The following HPSE2 variants were observed in gnomAD, a reference collection of about 807,000 sequenced individuals.
The protein encoded by HPSE2 is inactive heparanase-2.
In HPSE2, 38 loss-of-function variants were observed where a neutral mutation model predicts 60.5. That is an observed-to-expected ratio of 0.63 (90% confidence interval 0.48 to 0.82). The LOEUF (loss-of-function observed/expected upper bound fraction) is 0.82, where lower values mean the gene tolerates loss of function less well. HPSE2 is among the 40% of genes least tolerant of loss of function. The probability of loss-of-function intolerance (pLI) is 0.00; values close to 1 mark genes in which losing one functional copy is unlikely to be tolerated. For synonymous variants in HPSE2, 295 were observed against 293.2 expected, an observed-to-expected ratio of 1.01 and a Z score of -0.06; for missense variants, 713 against 740.4, an observed-to-expected ratio of 0.96 and a Z score of 0.43.
intron 3 of HPSE2, among the ~76,000 whole-genome samples, chr10:99,028,463 C>T (rs1957426717): frequency 6.6e-6 from 1 of 152,018 alleles, no homozygotes; most frequent in Non-Finnish European, 1.5e-5. Flanking sequence ...AATTACAAAA[C>T]ACTGATGAAA....
At chr10:99,226,715 T>C (rs1354991777) in intron 2 of HPSE2, among the ~76,000 whole-genome samples, 1 of 151,922 alleles carries the variant, frequency 6.6e-6, no homozygotes, top group Non-Finnish European at 1.5e-5. Context: ...AAGCTCCACC[T>C]CCCAGAGGTG....
At chr10:98,707,714 T>C (rs888285715) in intron 5 of HPSE2, among the ~76,000 whole-genome samples, 7 of 152,124 alleles carry the variant, frequency 4.6e-5, no homozygotes, top group Non-Finnish European at 7.4e-5. Context: ...AAATCAGATA[T>C]AGGAAAAGAG....
At chr10:99,152,182 G>T (rs944494245) in intron 2 of HPSE2, among the ~76,000 whole-genome samples, 1 of 151,862 alleles carries the variant, frequency 6.6e-6, no homozygotes, top group Admixed American at 6.6e-5. Flanking sequence ...ATGGTGGCAG[G>T]CGCCTGTAGT....
intron 3 of HPSE2, among the ~76,000 whole-genome samples, chr10:99,022,549 C>T (rs1207599758): frequency 6.6e-6 from 1 of 152,150 alleles, no homozygotes; most frequent in Non-Finnish European, 1.5e-5. Context: ...GACTCTTCCC[C>T]TAACCCCAGG....
chr10:99,149,084 A>G (rs1385436017), intron 2 of HPSE2, among the ~76,000 whole-genome samples: 2 of 152,148 alleles, frequency 1.3e-5, no homozygotes, highest in Non-Finnish European at 2.9e-5. Flanking sequence ...TGGCAAAGAA[A>G]GAGCCAAAGA....
In HPSE2 at chr10:99,232,397, T is replaced by G; in HGVS notation, c.399A>C (p.Lys133Asn). The change falls in exon 2 of 12, where the codon AAA becomes AAC. Residue 133 changes from lysine (K) to asparagine (N), a missense_variant. By Grantham distance (94) the Lys-to-Asn change is moderately conservative (BLOSUM62 0). Coordinates refer to ENST00000370552, the MANE Select transcript of HPSE2 (RefSeq NM_021828.5). ...LQFQNLRNPA[K>N]SRGGPGPDYY... ...AATCCGGGCCCGGGCCCCCGCGGCT[T>G]TTCGCCGGGTTCCTCAGGTTCTGGA... 6.4e-7 allele frequency: 1 copy of G among 1,551,970 alleles called. No individual in the cohort carries two copies. The highest frequency in any genetic ancestry group is 8.7e-7 in the Non-Finnish European group (1 of 1,147,208).
intron 3 of HPSE2, among the ~76,000 whole-genome samples, chr10:98,806,041 G>A (rs1032924230): frequency 6.6e-6 from 1 of 152,130 alleles, no homozygotes; most frequent in African/African-American, 2.4e-5. Context: ...AATCATAAAG[G>A]CTTTCAGTGC....
At chr10:99,180,505 G>A (rs945699923) in intron 2 of HPSE2, among the ~76,000 whole-genome samples, 1 of 152,116 alleles carries the variant, frequency 6.6e-6, no homozygotes, top group Admixed American at 6.6e-5. Context: ...ATGAAAAAAA[G>A]CTCCTATCAC....
chr10:98,948,269 G>A (rs938460478), intron 3 of HPSE2, among the ~76,000 whole-genome samples: 1 of 152,180 alleles, frequency 6.6e-6, no homozygotes, highest in African/African-American at 2.4e-5. Flanking sequence ...GCCAGTCAAG[G>A]AAATCATGAA....
At chr10:98,854,247 T>C (rs1952252906) in intron 3 of HPSE2, among the ~76,000 whole-genome samples, 1 of 152,210 alleles carries the variant, frequency 6.6e-6, no homozygotes, top group Non-Finnish European at 1.5e-5. Context: ...GATTCTTTTA[T>C]GAGAAATGGT....
intron 9 of HPSE2, among the ~76,000 whole-genome samples, chr10:98,586,204 T>C (rs1944936416): frequency 6.6e-6 from 1 of 152,210 alleles, no homozygotes; most frequent in Non-Finnish European, 1.5e-5. Context: ...GTATCTACCA[T>C]GCATATCTTA....
At chr10:98,841,267 AAACAACTATAATACTTAC>A (rs1331007062) in intron 3 of HPSE2, among the ~76,000 whole-genome samples, 1 of 152,134 alleles carries the variant, frequency 6.6e-6, no homozygotes, top group African/African-American at 2.4e-5. Flanking sequence ...TCAACAACAA[AAACAACTATAATACTTAC>A]AATAGCACAC....
intron 3 of HPSE2, among the ~76,000 whole-genome samples, chr10:99,141,214 G>A (rs1845855212): frequency 6.6e-6 from 1 of 152,062 alleles, no homozygotes; most frequent in African/African-American, 2.4e-5. Flanking sequence ...CTCCTTGAGT[G>A]ACATGCACAA....
At chr10:98,788,899 C>CGTCTTCT (rs1565163006) in intron 3 of HPSE2, among the ~76,000 whole-genome samples, 1 of 152,066 alleles carries the variant, frequency 6.6e-6, no homozygotes, top group African/African-American at 2.4e-5. Context: ...AGAAATCACC[C>CGTCTTCT]GTCTTCTGCG....
At chr10:99,251,535 G>T in the HPSE2 span, among the ~76,000 whole-genome samples, 1 of 152,166 alleles carries the variant, frequency 6.6e-6, no homozygotes, top group Non-Finnish European at 1.5e-5. Context: ...AGACACAACC[G>T]AAAAAGACTA....
intron 3 of HPSE2, among the ~76,000 whole-genome samples, chr10:98,862,141 C>T (rs528921149): frequency 3.7e-4 from 57 of 152,098 alleles, no homozygotes; most frequent in African/African-American, 8.0e-4. Context: ...TCTCATTGTG[C>T]GGAGATAGGT....
At chr10:99,041,679 G>A (rs956401726) in intron 3 of HPSE2, among the ~76,000 whole-genome samples, 2 of 152,134 alleles carry the variant, frequency 1.3e-5, no homozygotes, top group African/African-American at 2.4e-5. Context: ...AGGAGTGCAC[G>A]GATTGCAGGC....
At chr10:98,662,696 C>A (rs1161861502) in intron 6 of HPSE2, among the ~76,000 whole-genome samples, 1 of 152,148 alleles carries the variant, frequency 6.6e-6, no homozygotes, top group Admixed American at 6.5e-5. Context: ...TACCACTGAA[C>A]CTAAAATGAA....
chr10:98,616,096 AC>A (rs1945900401), intron 8 of HPSE2, among the ~76,000 whole-genome samples: 1 of 151,686 alleles, frequency 6.6e-6, no homozygotes, highest in South Asian at 2.1e-4. Flanking sequence ...CTTTGAACCT[AC>A]CCCTTTTCAT....
Sources: allele counts gnomAD v4.1 joint callset (sites outside exome capture counted in the v4.1 genomes callset), GRCh38; gene constraint gnomAD v4.1.1; transcripts MANE v1.5; gene names NCBI Gene and HGNC (gene_info 2026-07-23, HGNC 2026-07-21).